FAP: variants seen among roughly 807,000 people sequenced by gnomAD.
FAP encodes fibroblast activation protein alpha.
In FAP, 110 loss-of-function variants were observed where a neutral mutation model predicts 126.5. The observed-to-expected ratio is 0.87, with a 90% CI of 0.74 to 1.02. The LOEUF (loss-of-function observed/expected upper bound fraction) is 1.02. Among genes scored for constraint, FAP ranks in the 50% least tolerant of loss-of-function variants. The pLI, the probability that FAP is intolerant of heterozygous loss-of-function variation, is 0.00. For synonymous variants in FAP, 334 were observed against 297.3 expected, an observed-to-expected ratio of 1.12 and a Z score of -1.27; for missense variants, 919 against 909.2, an observed-to-expected ratio of 1.01 and a Z score of -0.14.
chr2:162,212,769 G>A (rs991689600), intron 11 of FAP, among the ~76,000 whole-genome samples: 20 of 152,054 alleles, frequency 1.3e-4, no homozygotes, highest in Admixed American at 1.1e-3. Flanking sequence ...CTCACAAAAT[G>A]TACCCATCAA....
chr2:162,215,779 G>T, intron 10 of FAP, 119 bp downstream of exon 10: 2 of 655,960 alleles, frequency 3.0e-6, no homozygotes, highest in Non-Finnish European at 5.1e-6. Context: ...TTTTAATTTT[G>T]TATGTCTTTA....
At chr2:162,201,170 G>A (rs1413975413) in intron 14 of FAP, among the ~76,000 whole-genome samples, 2 of 152,140 alleles carry the variant, frequency 1.3e-5, no homozygotes, top group Non-Finnish European at 2.9e-5. Flanking sequence ...TAGCCATGAA[G>A]TGGGAAATTC....
rs1687427100 is a variant in FAP, at chr2:162,174,726, A to G, written c.1969+141T>C. 2.5e-5 allele frequency: 14 copies of G among 565,608 alleles called. No individual in the cohort carries two copies. In the South Asian group the frequency reaches 2.6e-4, roughly 10 times the overall value. The allele number at this position is 565,608 out of a possible 1,614,324, so 35.0% of individuals were successfully genotyped here. On this transcript the variant is annotated intron_variant, in intron 22 of 25. Transcript: ENST00000188790. ...CAACATGTTTATAATAAATGATATA[A>G]ACAACTTTGTTTATAAATTATATTT...
At chr2:162,206,260 C>T (rs550925746) in intron 12 of FAP, among the ~76,000 whole-genome samples, 1 of 152,212 alleles carries the variant, frequency 6.6e-6, no homozygotes, top group East Asian at 1.9e-4. Flanking sequence ...ACACCTGGAC[C>T]CTAGATAAGC....
At chr2:162,182,803 A>C (rs992890803) in intron 21 of FAP, among the ~76,000 whole-genome samples, 1 of 152,222 alleles carries the variant, frequency 6.6e-6, no homozygotes, top group Non-Finnish European at 1.5e-5. Flanking sequence ...ATAAACGATA[A>C]GTTTTGCCAC....
intron 16 of FAP, chr2:162,197,538 A>T (rs1186837319): frequency 4.4e-6 from 2 of 456,526 alleles, no homozygotes; most frequent in Non-Finnish European, 8.8e-6. Context: ...CCATTGACCA[A>T]ACATTTTATG....
chr2:162,184,099 G>A (rs530037493), intron 20 of FAP, among the ~76,000 whole-genome samples: 25 of 152,192 alleles, frequency 1.6e-4, no homozygotes, highest in African/African-American at 4.6e-4. Flanking sequence ...GAAGGACAAC[G>A]TTTAAAAAGT....
chr2:162,200,872 A>G (rs2106245108), intron 14 of FAP, among the ~76,000 whole-genome samples: 1 of 152,346 alleles, frequency 6.6e-6, no homozygotes, highest in Admixed American at 6.5e-5. Context: ...ATTATGAGTC[A>G]TGCAAAATCA....
chr2:162,187,539 A>G (rs766732863), intron 20 of FAP, among the ~76,000 whole-genome samples: 27 of 152,128 alleles, frequency 1.8e-4, no homozygotes, highest in Non-Finnish European at 1.5e-4. Context: ...TTTCAGGAAA[A>G]GATGATTGAA....
At chr2:162,235,794 G>A (rs1690107065) in intron 2 of FAP, among the ~76,000 whole-genome samples, 1 of 152,154 alleles carries the variant, frequency 6.6e-6, no homozygotes, top group Non-Finnish European at 1.5e-5. Context: ...TCTTGCTAGT[G>A]CTCACTCATT....
At chr2:162,237,282 A>G (rs1391138659) in intron 2 of FAP, among the ~76,000 whole-genome samples, 1 of 152,180 alleles carries the variant, frequency 6.6e-6, no homozygotes, top group African/African-American at 2.4e-5. Context: ...GGTTTGTTAC[A>G]TAGATATTAT....
intron 21 of FAP, chr2:162,176,403 G>T (rs1266064412): frequency 6.6e-6 from 1 of 152,070 alleles, no homozygotes; most frequent in Non-Finnish European, 1.5e-5. Flanking sequence ...TTGTACCATG[G>T]CCTCTTTTTA....
chr2:162,211,484 G>C (rs1688932445), intron 11 of FAP, among the ~76,000 whole-genome samples: 2 of 152,152 alleles, frequency 1.3e-5, no homozygotes, highest in Admixed American at 6.5e-5. Flanking sequence ...AGAGAAGTCA[G>C]AAGAAGAGCT....
intron 25 of FAP, chr2:162,172,102 G>T (rs2106209261): frequency 6.6e-6 from 1 of 151,942 alleles, no homozygotes; most frequent in African/African-American, 2.4e-5. Flanking sequence ...AAAAACAAAT[G>T]TTGAAAAGAT....
At chr2:162,233,999 C>CAA (rs1690004513) in intron 2 of FAP, among the ~76,000 whole-genome samples, 1 of 152,160 alleles carries the variant, frequency 6.6e-6, no homozygotes, top group African/African-American at 2.4e-5. Flanking sequence ...GCATCCTCAT[C>CAA]AAAAATCAAT....
intron 21 of FAP, among the ~76,000 whole-genome samples, chr2:162,180,931 C>T (rs1389284648): frequency 6.6e-6 from 1 of 151,978 alleles, no homozygotes; most frequent in Non-Finnish European, 1.5e-5. Flanking sequence ...GAAAGGAAGA[C>T]TAATGAGGGT....
At chr2:162,225,416 C>A in intron 4 of FAP, 67 bp downstream of exon 4, 1 of 1,549,612 alleles carries the variant, frequency 6.5e-7, no homozygotes, top group South Asian at 1.2e-5. Flanking sequence ...AGACTTTGAA[C>A]TCTGTTTCTT....
chr2:162,199,491 C>T (rs1287140075), intron 15 of FAP, among the ~76,000 whole-genome samples: 1 of 152,216 alleles, frequency 6.6e-6, no homozygotes, highest in Non-Finnish European at 1.5e-5. Flanking sequence ...GCCCTACACT[C>T]ACCCTGCAGA....
chr2:162,215,615 T>G (rs190354972), intron 10 of FAP, among the ~76,000 whole-genome samples: 1 of 152,260 alleles, frequency 6.6e-6, no homozygotes, highest in East Asian at 1.9e-4. Flanking sequence ...GAAGCCAGGG[T>G]GAGGACGTAC....
Sources: gnomAD v4.1 joint callset for allele counts (sites outside exome capture counted in the v4.1 genomes callset) on GRCh38, gnomAD v4.1.1 for gene constraint, MANE v1.5 for transcripts, NCBI Gene and HGNC (gene_info 2026-07-23, HGNC 2026-07-21) for gene names.